The following GAS2 variants were observed in gnomAD, a reference collection of about 807,000 sequenced individuals.
GAS2 encodes the protein growth arrest specific 2.
Under a neutral mutation model 37.5 loss-of-function variants are expected in GAS2, and 20 were observed. The ratio of observed to expected loss-of-function variants is 0.53; its 90% CI spans 0.37 to 0.77. The LOEUF is 0.77. Ranked by LOEUF, GAS2 falls within the 30% of genes least tolerant of loss-of-function variation. The pLI, the probability that GAS2 is intolerant of heterozygous loss-of-function variation, is 0.00. For missense variants in GAS2, 336 were observed against 373.4 expected, an observed-to-expected ratio of 0.90 and a Z score of 0.82; for synonymous variants, 144 against 132.2, an observed-to-expected ratio of 1.09 and a Z score of -0.61.
intron 1 of GAS2, among the ~76,000 whole-genome samples, chr11:22,627,542 G>C (rs1470520331): frequency 1.3e-5 from 2 of 152,194 alleles, no homozygotes; most frequent in South Asian, 2.1e-4. Context: ...GGCCAGGCGG[G>C]TGGATTACCT....
At position 22,812,756 on chromosome 11, in the gene GAS2, G is replaced by A. The variant is rs573275591; in HGVS notation, c.*740G>A. Reference sequence around the variant, plus strand: ...AGCTGACATACGTTGATACTTTGACGAGTAAATTGTACAGTCAAATGTTCA... The same window carrying A: ...AGCTGACATACGTTGATACTTTGACAAGTAAATTGTACAGTCAAATGTTCA... On this transcript the variant is annotated 3_prime_UTR_variant, in exon 8 of 8. Coordinates refer to ENST00000454584, the MANE Select transcript of GAS2 (RefSeq NM_001143830.3). 2 of 152,586 alleles carry A rather than the reference G, an allele frequency of 1.3e-5. No individual in the cohort carries two copies. Among genetic ancestry groups the A allele is most frequent in the East Asian group, 1.9e-4 (1 of 5,188 alleles). The allele number at this position is 152,586 out of a possible 1,614,324, so 9.5% of individuals were successfully genotyped here.
intron 1 of GAS2, among the ~76,000 whole-genome samples, chr11:22,638,458 G>A (rs966858082): frequency 6.6e-6 from 1 of 151,190 alleles, no homozygotes. Context: ...CGATTCTCCT[G>A]CCTCAGCCTC....
At chr11:22,704,624 T>TATATATATATATA (rs1565098343) in intron 3 of GAS2, among the ~76,000 whole-genome samples, 265 of 140,322 alleles carry the variant, frequency 1.9e-3, no homozygotes, top group African/African-American at 3.0e-3. Flanking sequence ...TATATATATA[T>TATATATATATATA]TTTGCTCATC....
intron 1 of GAS2, among the ~76,000 whole-genome samples, chr11:22,632,298 T>C (rs552458000): frequency 1.3e-5 from 2 of 152,178 alleles, no homozygotes; most frequent in Non-Finnish European, 2.9e-5. Flanking sequence ...TATTTTTCCT[T>C]CATTTATGAA....
intron 3 of GAS2, among the ~76,000 whole-genome samples, chr11:22,707,697 T>C (rs760427820): frequency 1.1e-4 from 17 of 152,116 alleles, no homozygotes; most frequent in Non-Finnish European, 2.2e-4. Flanking sequence ...AACCAAATAT[T>C]AATGCTGGAA....
At chr11:22,769,533 G>A (rs1439626643) in intron 7 of GAS2, among the ~76,000 whole-genome samples, 1 of 152,188 alleles carries the variant, frequency 6.6e-6, no homozygotes, top group Non-Finnish European at 1.5e-5. Flanking sequence ...GAGGAAAAGT[G>A]AAGATGAAAT....
chr11:22,723,380 T>C (rs913509266), intron 3 of GAS2, among the ~76,000 whole-genome samples: 4 of 152,068 alleles, frequency 2.6e-5, no homozygotes, highest in Admixed American at 1.3e-4. Flanking sequence ...GATAGGTACG[T>C]GACTTTGTAA....
chr11:22,745,373 T>C (rs1368390464), intron 5 of GAS2, among the ~76,000 whole-genome samples: 1 of 152,130 alleles, frequency 6.6e-6, no homozygotes, highest in Non-Finnish European at 1.5e-5. Flanking sequence ...AGGACTCTCT[T>C]ATTCAATAAA....
intron 3 of GAS2, among the ~76,000 whole-genome samples, chr11:22,723,286 T>A (rs1852034217): frequency 6.6e-6 from 1 of 151,940 alleles, no homozygotes; most frequent in African/African-American, 2.4e-5. Flanking sequence ...TAGCCAGCTT[T>A]CATTTTATTT....
chr11:22,752,357 CT>C, intron 6 of GAS2, among the ~76,000 whole-genome samples: 1 of 151,852 alleles, frequency 6.6e-6, no homozygotes. Context: ...TTTTTTTTTA[CT>C]GAAGTGTTTT....
At chr11:22,725,288 C>T (rs1365705493) in intron 3 of GAS2, among the ~76,000 whole-genome samples, 1 of 152,056 alleles carries the variant, frequency 6.6e-6, no homozygotes, top group African/African-American at 2.4e-5. Context: ...TAAGCACATT[C>T]TTATCCCAGA....
intron 4 of GAS2, among the ~76,000 whole-genome samples, chr11:22,728,870 CTT>C (rs1307980672): frequency 6.4e-5 from 9 of 139,872 alleles, no homozygotes; most frequent in Admixed American, 1.4e-4. Flanking sequence ...ACCGTTTCTC[CTT>C]TTTTTTTTTT....
intron 3 of GAS2, among the ~76,000 whole-genome samples, chr11:22,722,754 C>T (rs1852008008): frequency 6.6e-6 from 1 of 151,630 alleles, no homozygotes; most frequent in Admixed American, 6.6e-5. Context: ...GTTCTCAAGC[C>T]GATTATGATC....
At chr11:22,711,540 G>T (rs1180080980) in intron 3 of GAS2, among the ~76,000 whole-genome samples, 2 of 152,230 alleles carry the variant, frequency 1.3e-5, no homozygotes, top group East Asian at 1.9e-4. Context: ...GCCACAGATG[G>T]TGTGGGTAGG....
intron 1 of GAS2, among the ~76,000 whole-genome samples, chr11:22,646,306 G>A (rs1848690126): frequency 6.6e-6 from 1 of 152,066 alleles, no homozygotes. Context: ...AAAAAAGGAG[G>A]TTAATTTAAT....
At chr11:22,702,543 A>G (rs1376159653) in intron 3 of GAS2, 3 of 152,338 alleles carry the variant, frequency 2.0e-5, no homozygotes, top group Non-Finnish European at 4.4e-5. Context: ...CTTACTTTTT[A>G]TGCCCTAATA....
rs1330467810 is a variant in GAS2 at position 22,728,622 on chromosome 11, A to G, written c.409+2189A>G. ...ATCTTTTGTAAACTTCTCAGTACCA[A>G]GTTAAATTAATTAGTTAGGTTTTCC... On this transcript the variant is annotated intron_variant, in intron 4 of 7. Transcript: ENST00000454584. Among the ~76,000 whole-genome samples the G allele has an allele frequency of 1.3e-5, 2 of 151,706 alleles. 1 individual carries two copies. Among genetic ancestry groups the G allele is most frequent in the East Asian group, 3.9e-4 (2 of 5,164 alleles).
At chr11:22,788,275 T>C (rs1266930367) in intron 7 of GAS2, among the ~76,000 whole-genome samples, 1 of 152,212 alleles carries the variant, frequency 6.6e-6, no homozygotes, top group African/African-American at 2.4e-5. Flanking sequence ...GAAAATATGT[T>C]TTTCTTCCTT....
At chr11:22,783,958 G>T (rs1254393808) in intron 7 of GAS2, among the ~76,000 whole-genome samples, 1 of 152,114 alleles carries the variant, frequency 6.6e-6, no homozygotes, top group Admixed American at 6.6e-5. Context: ...GATTGTGCGT[G>T]TGTGGCTTTA....
Sources: allele counts gnomAD v4.1 joint callset (sites outside exome capture counted in the v4.1 genomes callset), GRCh38; gene constraint gnomAD v4.1.1; transcripts MANE v1.5; gene names NCBI Gene and HGNC (gene_info 2026-07-23, HGNC 2026-07-21).